LRRC4B: variants seen among roughly 807,000 people sequenced by gnomAD.
LRRC4B encodes the protein leucine rich repeat containing 4B.
A neutral mutation model predicts 7.3 loss-of-function variants in LRRC4B; 1 was observed. The observed-to-expected ratio is 0.14, with a 90% CI of 0.05 to 0.65. The LOEUF is 0.65. Ranked by LOEUF, LRRC4B falls within the 30% of genes least tolerant of loss-of-function variation. LRRC4B has a pLI of 0.84. For synonymous variants in LRRC4B, 500 were observed against 499.2 expected, an observed-to-expected ratio of 1.00 and a Z score of -0.02; for missense variants, 730 against 1,041.6, an observed-to-expected ratio of 0.70 and a Z score of 4.12.
Position 50,548,779 on chromosome 19 carries a change from G to C in LRRC4B, c.60C>G (p.Pro20=). ...PPLPPGRMSW[P]HGALLFLWLF... ...GCCAGAGGAAGAGCAATGCCCCGTGGGGCCAGGACATCCTACCGGGCGGCA... is the reference window on the plus strand; with the variant it reads ...GCCAGAGGAAGAGCAATGCCCCGTGCGGCCAGGACATCCTACCGGGCGGCA... The change falls in exon 2 of 3, where the codon CCC becomes CCG. Residue 20 remains proline, a synonymous_variant. Coordinates refer to ENST00000652263, the MANE Select transcript of LRRC4B (RefSeq NM_001080457.2). The surrounding 1 kb of genome is among the most constrained non-coding windows in gnomAD (Gnocchi z 6.8). The C allele has an allele frequency of 6.5e-7, 1 of 1,527,918 alleles. No individual in the cohort carries two copies. Among genetic ancestry groups the C allele is most frequent in the Non-Finnish European group, 8.8e-7 (1 of 1,141,844 alleles). 94.6% of individuals were successfully genotyped at this position (1,527,918 alleles called of 1,614,324 possible). A position where few individuals can be genotyped will look rare whatever the true frequency, so the allele number is the denominator to read the frequency against.
At chr19:50,538,387 G>A (rs1387696249) in intron 2 of LRRC4B, among the ~76,000 whole-genome samples, 2 of 152,058 alleles carry the variant, frequency 1.3e-5, no homozygotes, top group African/African-American at 2.4e-5. Context: ...TTCCTTAAAG[G>A]GCTCTAACTG....
Position 50,518,050 on chromosome 19 carries a change from C to T in LRRC4B, c.1663G>A (p.Val555Met). Residue 555 changes from valine to methionine, a missense_variant, in exon 3 of 3, where the codon GTG (valine) becomes ATG (methionine). Around this residue, in one of 6 missense-constraint regions of LRRC4B, gnomAD observed 192 missense variants for 228.6 expected, o/e 0.84. Transcript: ENST00000652263. ...SSRPTEKAFT[V>M]PITDVTENAL... ...TTCTCCGTCACATCCGTGATGGGCA[C>T]CGTGAACGCCTTCTCCGTGGGCCGC... 1 of 1,579,460 alleles carries T rather than the reference C, an allele frequency of 6.3e-7. No homozygotes were observed. The highest frequency in any genetic ancestry group is 8.6e-7 in the Non-Finnish European group (1 of 1,165,948).
chr19:50,548,746 G>T lies in LRRC4B; in HGVS notation c.93C>A (p.Ser31=). Residue 31 remains serine, a synonymous_variant, in exon 2 of 3, where the codon TCC becomes TCA. Transcript: ENST00000652263. This position sits in a 1 kb window ranked among gnomAD's most constrained non-coding sequence, Gnocchi z 6.8. ...CACCTCCACCGGCCCCCAGGGGTGG[G>T]GAGAAGAGCCAGAGGAAGAGCAATG... is the stretch of plus-strand genomic sequence containing the variant. ...HGALLFLWLF[S]PPLGAGGGGV... 1 of 1,540,622 alleles carries T rather than the reference G, an allele frequency of 6.5e-7. No homozygotes were observed.
At chr19:50,554,439 C>T (rs1431771406) in intron 1 of LRRC4B, among the ~76,000 whole-genome samples, 1 of 152,178 alleles carries the variant, frequency 6.6e-6, no homozygotes, top group Non-Finnish European at 1.5e-5. Flanking sequence ...GTCCCCAGCG[C>T]AGCTCCGTGC....
chr19:50,557,605 T>G (rs1459820060), intron 1 of LRRC4B: 3 of 152,124 alleles, frequency 2.0e-5, no homozygotes, highest in African/African-American at 7.2e-5. Flanking sequence ...GTGCTGCCAA[T>G]TTTCCGCTAG....
intron 2 of LRRC4B, among the ~76,000 whole-genome samples, chr19:50,528,556 G>C (rs968950071): frequency 1.3e-5 from 2 of 152,106 alleles, no homozygotes; most frequent in Non-Finnish European, 2.9e-5. Context: ...TGCTAGCCAG[G>C]TTGGTCTTGA....
rs557323312 is a variant in LRRC4B, at chr19:50,538,299, G to A, written c.297+10243C>T. ...GCTAGTTTCCAATTCCTGACCTCAG[G>A]TGATCCAACCGCCTCGGCCTCCCGA... On this transcript the variant is annotated intron_variant, in intron 2 of 2. Transcript: ENST00000652263. Among the ~76,000 whole-genome samples the A allele has an allele frequency of 6.6e-5, 10 of 152,184 alleles. No homozygotes were observed. The South Asian group carries it at 2.1e-3, about 32-fold the overall frequency.
At chr19:50,531,318 G>A (rs892656442) in intron 2 of LRRC4B, among the ~76,000 whole-genome samples, 1 of 152,242 alleles carries the variant, frequency 6.6e-6, no homozygotes. Context: ...TGCACCTGGG[G>A]CTCCAGCCCA....
chr19:50,552,903 A>G (rs931370982), intron 1 of LRRC4B, among the ~76,000 whole-genome samples: 6 of 152,334 alleles, frequency 3.9e-5, no homozygotes, highest in Admixed American at 2.0e-4. Flanking sequence ...AGTGGGGCAC[A>G]TTGGTGAGTG....
chr19:50,541,380 A>AG (rs1981542673), intron 2 of LRRC4B, among the ~76,000 whole-genome samples: 1 of 148,660 alleles, frequency 6.7e-6, no homozygotes, highest in African/African-American at 2.5e-5. Context: ...AAAAAAAAAA[A>AG]AAAAGAAAAA....
intron 2 of LRRC4B, among the ~76,000 whole-genome samples, chr19:50,539,236 T>G (rs193000699): frequency 6.6e-6 from 1 of 152,256 alleles, no homozygotes; most frequent in Non-Finnish European, 1.5e-5. Context: ...CCACTTTGGC[T>G]GTCTGGGCCT....
rs891168297 is a variant in LRRC4B, at chr19:50,563,403, A to G, written c.-36+4541T>C. Among the ~76,000 whole-genome samples the G allele has an allele frequency of 6.6e-6, 1 of 152,010 alleles. No homozygotes were observed. Among genetic ancestry groups the G allele is most frequent in the African/African-American group, 2.4e-5 (1 of 41,386 alleles). On this transcript the variant is annotated intron_variant, in intron 1 of 2. Coordinates refer to ENST00000652263, the MANE Select transcript of LRRC4B (RefSeq NM_001080457.2). This position sits in a 1 kb window ranked among gnomAD's most constrained non-coding sequence, Gnocchi z 4.9. ...ACTCAGAGTTAATGAGGTTTCCCGT[A>G]CCCCACCAGAGAGGACACAAAGACG... is the stretch of plus-strand genomic sequence containing the variant.
chr19:50,527,993 G>A (rs1472621354), intron 2 of LRRC4B, among the ~76,000 whole-genome samples: 1 of 151,136 alleles, frequency 6.6e-6, no homozygotes, highest in Non-Finnish European at 1.5e-5. Context: ...TGCCTGCCTC[G>A]GCCTCCCAAA....
At chr19:50,530,091 G>A (rs941664290) in intron 2 of LRRC4B, among the ~76,000 whole-genome samples, 3 of 151,996 alleles carry the variant, frequency 2.0e-5, no homozygotes, top group Non-Finnish European at 2.9e-5. Flanking sequence ...GCCTTGCAGC[G>A]CACTCCCCCA....
rs528832003 is a variant in LRRC4B, at chr19:50,548,202, G to T, written c.297+340C>A. ...GTGTGGTGGTGCAGATGCCACAGGG[G>T]TCCCTGTGAAAGGGTTGCTCTCCAC... On this transcript the variant is annotated intron_variant, in intron 2 of 2. Transcript: ENST00000652263. This position sits in a 1 kb window ranked among gnomAD's most constrained non-coding sequence, Gnocchi z 6.8. Among the ~76,000 whole-genome samples the T allele has an allele frequency of 3.3e-4, 51 of 152,298 alleles. 1 individual carries two copies. The highest frequency in any genetic ancestry group is 1.1e-3 in the African/African-American group (46 of 41,580).
rs1318894548 is a variant in LRRC4B at position 50,517,313 on chromosome 19, T to C, written c.*258A>G. On this transcript the variant is annotated 3_prime_UTR_variant, in exon 3 of 3. Transcript: ENST00000652263. This position sits in a 1 kb window ranked among gnomAD's most constrained non-coding sequence, Gnocchi z 6.6. ...CGCGGAGAACTCAGGCCACTTCTCCTGGGTCCCACGTCCCCTCCCGTCACC... is the reference window on the plus strand; with the variant it reads ...CGCGGAGAACTCAGGCCACTTCTCCCGGGTCCCACGTCCCCTCCCGTCACC... 1 of 338,180 alleles carries C rather than the reference T, an allele frequency of 3.0e-6. No homozygotes were observed. Among genetic ancestry groups the C allele is most frequent in the African/African-American group, 2.1e-5 (1 of 47,248 alleles). 20.9% of individuals were successfully genotyped at this position (338,180 alleles called of 1,614,324 possible).
intron 2 of LRRC4B, among the ~76,000 whole-genome samples, chr19:50,526,723 A>C (rs1393184261): frequency 6.6e-6 from 1 of 152,264 alleles, no homozygotes; most frequent in Non-Finnish European, 1.5e-5. Flanking sequence ...CATTTAGGAA[A>C]AAATGTATGA....
chr19:50,546,672 TA>T (rs1370788125), intron 2 of LRRC4B, among the ~76,000 whole-genome samples: 1 of 152,118 alleles, frequency 6.6e-6, no homozygotes, highest in African/African-American at 2.4e-5. Context: ...TGACTTATCA[TA>T]AATGAATGTA....
chr19:50,523,403 C>T lies in LRRC4B; in HGVS notation c.298-3988G>A, dbSNP rs768129393. On this transcript the variant is annotated intron_variant, in intron 2 of 2. Transcript: ENST00000652263. ...AGAAAAAAGAGAAAAAGAGGCCGGGCGTGGTGGCTCACACCTGTAATCCCA... is the reference window on the plus strand; with the variant it reads ...AGAAAAAAGAGAAAAAGAGGCCGGGTGTGGTGGCTCACACCTGTAATCCCA... Among the ~76,000 whole-genome samples, 35 of 152,102 alleles carry T rather than the reference C, an allele frequency of 2.3e-4. 1 individual carries two copies. The highest frequency in any genetic ancestry group is 1.2e-3 in the Admixed American group (19 of 15,252).
Sources: allele counts gnomAD v4.1 joint callset (sites outside exome capture counted in the v4.1 genomes callset), GRCh38; gene constraint gnomAD v4.1.1; regional missense constraint gnomAD v4.1.1; non-coding constraint Gnocchi (gnomAD v3.1); transcripts MANE v1.5; gene names NCBI Gene and HGNC (gene_info 2026-07-23, HGNC 2026-07-21).